WDR25: variants seen among roughly 807,000 people sequenced by gnomAD.
WDR25 encodes WD repeat domain 25.
WDR25 carries 35 observed loss-of-function variants against 47.7 expected under a neutral mutation model. The observed-to-expected ratio is 0.73, with a 90% CI of 0.56 to 0.97. The LOEUF is 0.97. Among genes scored for constraint, WDR25 ranks in the 50% least tolerant of loss-of-function variants. The pLI is 0.00. For synonymous variants in WDR25, 248 were observed against 278.9 expected (o/e 0.89, Z 1.10); for missense variants, 634 against 704.7 (o/e 0.90, Z 1.14).
At chr14:100,495,815 A>G (rs1382249570) in intron 4 of WDR25, among the ~76,000 whole-genome samples, 1 of 152,214 alleles carries the variant, frequency 6.6e-6, no homozygotes, top group Non-Finnish European at 1.5e-5. Flanking sequence ...GCTTCTTTTT[A>G]TGACCAAATA....
intron 3 of WDR25, among the ~76,000 whole-genome samples, chr14:100,477,542 T>C (rs1900056806): frequency 1.3e-5 from 2 of 152,120 alleles, no homozygotes; most frequent in Non-Finnish European, 2.9e-5. Context: ...ACCATTGCGC[T>C]GAAAGTAACA....
At chr14:100,405,350 G>T (rs1327459418) in intron 2 of WDR25, among the ~76,000 whole-genome samples, 1 of 151,926 alleles carries the variant, frequency 6.6e-6, no homozygotes, top group Non-Finnish European at 1.5e-5. Context: ...TAGTAGAGAC[G>T]GGGTTTGTCC....
In WDR25 at chr14:100,381,299, C is replaced by T. The variant is rs746818024; in HGVS notation, c.375C>T (p.Ser125=). 43 of 1,614,090 alleles carry T rather than the reference C, an allele frequency of 2.7e-5. No individual in the cohort carries two copies. The highest frequency in any genetic ancestry group is 3.5e-5 in the Non-Finnish European group (41 of 1,180,052). The change falls in exon 2 of 7, where the codon AGC becomes AGT. Residue 125 remains serine (S), a synonymous_variant. Coordinates refer to ENST00000402312, the MANE Select transcript of WDR25 (RefSeq NM_001161476.3). ...SSLWTSHVPA[S]HMPLAAARFK... ...TGTGGACGAGCCATGTTCCAGCCAG[C>T]CACATGCCCCTGGCAGCTGCCCGCT...
rs938883929 is a variant in WDR25 at position 100,468,679 on chromosome 14, C to G, written c.970+511C>G. ...AAATCCTGAGAGGGCTCTTGACAAG[C>G]AGGGCGAGAAGGAGAGAGAAGTCAG... On this transcript the variant is annotated intron_variant, in intron 3 of 6. Coordinates refer to ENST00000402312, the MANE Select transcript of WDR25 (RefSeq NM_001161476.3). This position sits in a 1 kb window ranked among gnomAD's most constrained non-coding sequence, Gnocchi z 4.5. Among the ~76,000 whole-genome samples the G allele has an allele frequency of 9.2e-5, 14 of 152,090 alleles. 1 individual carries two copies. Among genetic ancestry groups the G allele is most frequent in the Admixed American group, 7.9e-4 (12 of 15,280 alleles).
intron 4 of WDR25, among the ~76,000 whole-genome samples, chr14:100,494,655 C>T (rs746173804): frequency 6.6e-6 from 1 of 152,238 alleles, no homozygotes; most frequent in Non-Finnish European, 1.5e-5. Flanking sequence ...TTAGTCCCCT[C>T]TCCCCTTTAA....
At chr14:100,397,242 G>T (rs1215850663) in intron 2 of WDR25, among the ~76,000 whole-genome samples, 7 of 152,328 alleles carry the variant, frequency 4.6e-5, no homozygotes, top group Middle Eastern at 3.4e-3. Flanking sequence ...TTCTCGGTCG[G>T]AAGAGGATAC....
intron 2 of WDR25, among the ~76,000 whole-genome samples, chr14:100,444,054 C>G (rs1373309164): frequency 1.3e-5 from 2 of 152,210 alleles, no homozygotes; most frequent in Non-Finnish European, 2.9e-5. Context: ...GAGCCTTATC[C>G]TGTCCATAGC....
intron 2 of WDR25, among the ~76,000 whole-genome samples, chr14:100,410,440 C>T (rs759484771): frequency 6.6e-6 from 1 of 152,130 alleles, no homozygotes; most frequent in Non-Finnish European, 1.5e-5. Context: ...GAGGGGCCAG[C>T]AATACCTAGC....
intron 2 of WDR25, among the ~76,000 whole-genome samples, chr14:100,439,651 G>A (rs1219232598): frequency 1.3e-5 from 2 of 152,174 alleles, no homozygotes; most frequent in East Asian, 3.9e-4. Context: ...GCCATGTGGG[G>A]GTGGACGCTT....
rs1408166271 is a variant in WDR25, at chr14:100,440,933, C to G, written c.823-27088C>G. ...AATGTAATTGACATTTTTTATTAAC[C>G]CTGAAATGATTAAAGATGCTGCTGC... On this transcript the variant is annotated intron_variant, in intron 2 of 6. Coordinates refer to ENST00000402312, the MANE Select transcript of WDR25 (RefSeq NM_001161476.3). This position sits in a 1 kb window ranked among gnomAD's most constrained non-coding sequence, Gnocchi z 4.4. 1.3e-5 allele frequency among the ~76,000 whole-genome samples: 2 copies of G among 152,098 alleles called. No homozygotes were observed. The highest frequency in any genetic ancestry group is 2.9e-5 in the Non-Finnish European group (2 of 68,012).
chr14:100,405,694 G>T (rs566199614), intron 2 of WDR25, among the ~76,000 whole-genome samples: 3 of 152,354 alleles, frequency 2.0e-5, no homozygotes, highest in African/African-American at 7.2e-5. Context: ...TGGGTGGCCT[G>T]CAGGGCCTAG....
chr14:100,388,302 G>A (rs1897061710), intron 2 of WDR25, among the ~76,000 whole-genome samples: 1 of 152,190 alleles, frequency 6.6e-6, no homozygotes, highest in Non-Finnish European at 1.5e-5. Context: ...AAGGTGAGGA[G>A]AGAATTGGTG....
Position 100,381,313 on chromosome 14 carries a change from C to A in WDR25, c.389C>A (p.Ala130Glu). 1 of 1,614,246 alleles carries A rather than the reference C, an allele frequency of 6.2e-7. No individual in the cohort carries two copies. Among genetic ancestry groups the A allele is most frequent in the Non-Finnish European group, 8.5e-7 (1 of 1,180,044 alleles). ...SHVPASHMPL[A>E]AARFKQVKLS... ...GTTCCAGCCAGCCACATGCCCCTGG[C>A]AGCTGCCCGCTTTAAGCAAGTAAAA... Residue 130 changes from alanine (A) to glutamate (E), a missense_variant, in exon 2 of 7, where the codon GCA becomes GAA. Coordinates refer to ENST00000402312, the MANE Select transcript of WDR25 (RefSeq NM_001161476.3).
Position 100,506,053 on chromosome 14 carries a change from A to G in WDR25, c.1102-19817A>G, listed in dbSNP as rs1277917597. 6.6e-6 allele frequency among the ~76,000 whole-genome samples: 1 copy of G among 152,014 alleles called. No homozygotes were observed. Among genetic ancestry groups the G allele is most frequent in the Non-Finnish European group, 1.5e-5 (1 of 67,980 alleles). The stretch of plus-strand genomic sequence containing the variant: ...ATAGTACTCAACAGTTAGTTTTTCA[A>G]CCCTTGCCCGCTCCCTCCCTCCACC... On this transcript the variant is annotated intron_variant, in intron 4 of 6. Coordinates refer to ENST00000402312, the MANE Select transcript of WDR25 (RefSeq NM_001161476.3). This position sits in a 1 kb window ranked among gnomAD's most constrained non-coding sequence, Gnocchi z 4.8.
Position 100,529,898 on chromosome 14 carries a change from C to G in WDR25, c.1492C>G (p.Leu498Val). 6.2e-7 allele frequency: 1 copy of G among 1,613,426 alleles called. No homozygotes were observed. The highest frequency in any genetic ancestry group is 8.5e-7 in the Non-Finnish European group (1 of 1,180,026). ...LVTGSADGRV[L>V]MYSFRTASRA... ...GACGGGCAGCGCCGATGGCCGGGTC[C>G]TGATGTACAGCTTCCGCACAGCCAG... Residue 498 changes from leucine (L) to valine (V), a missense_variant, in exon 7 of 7, where the codon CTG becomes GTG. Physicochemically the swap from Leu to Val is conservative, Grantham distance 32 (BLOSUM62 1). Transcript: ENST00000402312. The surrounding 1 kb of genome is among the most constrained non-coding windows in gnomAD (Gnocchi z 5.1).
In WDR25 at chr14:100,500,722, C is replaced by T. The variant is rs1044246728; in HGVS notation, c.1101+16598C>T. On this transcript the variant is annotated intron_variant, in intron 4 of 6. Transcript: ENST00000402312. The surrounding 1 kb of genome is among the most constrained non-coding windows in gnomAD (Gnocchi z 4.7). ...CGTGGCTTCTTTGGGGTTGAGGGTGCGTGGAGGAGGCAGCTGCAGGTGGTA... is the reference window on the plus strand; with the variant it reads ...CGTGGCTTCTTTGGGGTTGAGGGTGTGTGGAGGAGGCAGCTGCAGGTGGTA... Among the ~76,000 whole-genome samples the T allele has an allele frequency of 2.6e-5, 4 of 152,082 alleles. No individual in the cohort carries two copies. Among genetic ancestry groups the T allele is most frequent in the Non-Finnish European group, 4.4e-5 (3 of 67,998 alleles).
At position 100,525,899 on chromosome 14, in the gene WDR25, G is replaced by C. The variant is rs1309126239; in HGVS notation, c.1131G>C (p.Gln377His). The change falls in exon 5 of 7, where the codon CAG becomes CAC. Residue 377 changes from glutamine (Q) to histidine (H), a missense_variant. By Grantham distance (24) the Gln-to-His change is conservative. Transcript: ENST00000402312. The surrounding 1 kb of genome is among the most constrained non-coding windows in gnomAD (Gnocchi z 4.6). ...TGAGAAGCTACAAGGCGACCATCCAGCAGACCTTGGACATCCTGTTCCTCC... is the reference window on the plus strand; with the variant it reads ...TGAGAAGCTACAAGGCGACCATCCACCAGACCTTGGACATCCTGTTCCTCC... ...KVMRSYKATI[Q>H]QTLDILFLRE... 4 of 1,613,804 alleles carry C rather than the reference G, an allele frequency of 2.5e-6. No homozygotes were observed. The Admixed American group carries it at 6.7e-5, about 27-fold the overall frequency.
intron 2 of WDR25, among the ~76,000 whole-genome samples, chr14:100,458,699 A>G (rs1255467888): frequency 6.6e-6 from 1 of 152,192 alleles, no homozygotes; most frequent in African/African-American, 2.4e-5. Flanking sequence ...CATTCAAAGT[A>G]TATTCTCTGA....
intron 2 of WDR25, among the ~76,000 whole-genome samples, chr14:100,452,695 G>C (rs1474984461): frequency 1.3e-5 from 2 of 152,150 alleles, no homozygotes; most frequent in Non-Finnish European, 2.9e-5. Context: ...GATAGTTTGT[G>C]GGGTGGGGGG....
Sources: allele counts gnomAD v4.1 joint callset (sites outside exome capture counted in the v4.1 genomes callset), GRCh38; gene constraint gnomAD v4.1.1; non-coding constraint Gnocchi (gnomAD v3.1); transcripts MANE v1.5; gene names NCBI Gene and HGNC (gene_info 2026-07-23, HGNC 2026-07-21).